EDDM13: variants seen among roughly 807,000 people sequenced by gnomAD.
The protein encoded by EDDM13 is epididymal protein 13.
EDDM13 carries 24 observed loss-of-function variants against 17.8 expected under a neutral mutation model. The observed-to-expected ratio is 1.35, with a 90% CI of 0.98 to 1.90. EDDM13 has a LOEUF of 1.90. EDDM13 is among the 40% of genes most tolerant of loss of function. EDDM13 has a pLI of 0.00. For missense variants in EDDM13, 97 were observed against 100.8 expected, an observed-to-expected ratio of 0.96 and a Z score of 0.16; for synonymous variants, 31 against 37.5, an observed-to-expected ratio of 0.83 and a Z score of 0.63.
At chr19:56,279,965 T>C (rs2038563655) in intron 2 of EDDM13, among the ~76,000 whole-genome samples, 1 of 152,200 alleles carries the variant, frequency 6.6e-6, no homozygotes, top group Non-Finnish European at 1.5e-5. Context: ...GTTATTTTCA[T>C]TTAAAATAAG....
intron 3 of EDDM13, among the ~76,000 whole-genome samples, chr19:56,281,910 A>T (rs1049345946): frequency 2.0e-5 from 3 of 152,222 alleles, no homozygotes; most frequent in Non-Finnish European, 4.4e-5. Flanking sequence ...TGAGGAGGCC[A>T]ACAAGCCTCT....
intron 13 of EDDM13, chr19:56,302,695 T>A: frequency 1.2e-5 from 2 of 164,280 alleles, no homozygotes. Flanking sequence ...TTCTCTCTCC[T>A]TCCTTCTCTT....
chr19:56,275,385 C>A (rs2038170192), intron 1 of EDDM13, among the ~76,000 whole-genome samples: 1 of 152,124 alleles, frequency 6.6e-6, no homozygotes, highest in South Asian at 2.1e-4. Flanking sequence ...TTTTCTTCTC[C>A]ATTTATTTAT....
At chr19:56,275,533 C>A (rs2038185114) in intron 1 of EDDM13, among the ~76,000 whole-genome samples, 1 of 152,088 alleles carries the variant, frequency 6.6e-6, no homozygotes, top group South Asian at 2.1e-4. Flanking sequence ...GAGTTTGAGA[C>A]CAGCCTGGGC....
At chr19:56,297,225 A>G (rs1227885049) in intron 11 of EDDM13, among the ~76,000 whole-genome samples, 1 of 152,094 alleles carries the variant, frequency 6.6e-6, no homozygotes, top group East Asian at 1.9e-4. Flanking sequence ...AGTCCCTGGG[A>G]TCCAGGGACA....
At chr19:56,288,316 C>T (rs902676201) in intron 6 of EDDM13, among the ~76,000 whole-genome samples, 69 bp from the exon 7 acceptor site, 1 of 152,206 alleles carries the variant, frequency 6.6e-6, no homozygotes, top group Admixed American at 6.5e-5. Flanking sequence ...ATCGTTCCCT[C>T]TGTCTGCGAC....
intron 6 of EDDM13, 55 bp downstream of exon 6, chr19:56,285,079 A>T: frequency 3.3e-6 from 3 of 901,702 alleles, no homozygotes; most frequent in Non-Finnish European, 4.0e-6. Flanking sequence ...CCGCAAGGTA[A>T]TGTAGACTTA....
intron 8 of EDDM13, among the ~76,000 whole-genome samples, chr19:56,289,882 G>A (rs1045897460): frequency 6.6e-6 from 1 of 152,100 alleles, no homozygotes; most frequent in Admixed American, 6.5e-5. Flanking sequence ...CCAAAGTGCT[G>A]GGATTACAGG....
chr19:56,272,950 T>G, intron 1 of EDDM13, 31 bp downstream of exon 1: 1 of 951,584 alleles, frequency 1.1e-6, no homozygotes, highest in Non-Finnish European at 1.3e-6. Flanking sequence ...TTGTGTCCTC[T>G]ATGTATTTTC....
rs573015156 is a variant in EDDM13, at chr19:56,302,717, T to C, written c.423+622T>C. 23 of 197,994 alleles carry C rather than the reference T, an allele frequency of 1.2e-4. No individual in the cohort carries two copies. In the South Asian group the frequency reaches 4.6e-3, roughly 40 times the overall value. The allele number at this position is 197,994 out of a possible 1,614,324, so 12.3% of individuals were successfully genotyped here. A position where few individuals can be genotyped will look rare whatever the true frequency, so the allele number is the denominator to read the frequency against. ...TCCTTCCTTCTCTTTCCTTCTTCCC[T>C]CCCTCCCACCTCTAGACTGGGATAA... On this transcript the variant is annotated intron_variant, in intron 13 of 14. Coordinates refer to ENST00000649256, the MANE Select transcript of EDDM13 (RefSeq NM_001354658.2).
chr19:56,307,253 C>T (rs1427137078), intron 14 of EDDM13, among the ~76,000 whole-genome samples: 1 of 152,198 alleles, frequency 6.6e-6, no homozygotes. Context: ...CCCTGGCATC[C>T]CCAGTGCCCT....
intron 1 of EDDM13, chr19:56,274,964 GTT>G (rs1330408332): frequency 2.0e-5 from 3 of 152,166 alleles, no homozygotes; most frequent in Non-Finnish European, 4.4e-5. Context: ...CTCAATTTGG[GTT>G]TGTCTGAAGC....
At chr19:56,295,017 GGCACC>G (rs1555805492) in intron 9 of EDDM13, 1 of 152,216 alleles carries the variant, frequency 6.6e-6, no homozygotes, top group Non-Finnish European at 1.5e-5. Context: ...ACTGCTCAGG[GGCACC>G]AGGTTTGGAG....
At chr19:56,272,951 AT>A (rs1379070240) in intron 1 of EDDM13, 32 bp downstream of exon 1, 6 of 947,602 alleles carry the variant, frequency 6.3e-6, no homozygotes, top group Non-Finnish European at 7.5e-6. Flanking sequence ...TGTGTCCTCT[AT>A]GTATTTTCTT....
chr19:56,274,480 A>C (rs1447807871), intron 1 of EDDM13: 1 of 144,466 alleles, frequency 6.9e-6, no homozygotes, highest in Admixed American at 7.0e-5. Flanking sequence ...AAAAAAAAAA[A>C]CTCTGTAGAG....
At chr19:56,277,497 TAG>T (rs1240598451) in intron 2 of EDDM13, among the ~76,000 whole-genome samples, 1 of 148,658 alleles carries the variant, frequency 6.7e-6, no homozygotes, top group African/African-American at 2.5e-5. Context: ...GGCAAATCCA[TAG>T]AGACACAATG....
At chr19:56,309,686 G>C (rs1040644284) in intron 14 of EDDM13, among the ~76,000 whole-genome samples, 4 of 152,170 alleles carry the variant, frequency 2.6e-5, no homozygotes, top group Non-Finnish European at 4.4e-5. Context: ...ACCAGGCTAG[G>C]GGGTGCAGCC....
chr19:56,290,045 C>A (rs896878652), intron 8 of EDDM13, among the ~76,000 whole-genome samples: 2 of 152,138 alleles, frequency 1.3e-5, no homozygotes, highest in East Asian at 1.9e-4. Context: ...CAAATGGAAC[C>A]CAAGTTATAA....
chr19:56,301,933 C>A, intron 12 of EDDM13, 35 bp from the exon 13 acceptor site: 7 of 1,231,968 alleles, frequency 5.7e-6, no homozygotes, highest in Non-Finnish European at 7.1e-6. Context: ...GAAGGGAAGG[C>A]CATCAGCATC....
Sources: allele counts gnomAD v4.1 joint callset (sites outside exome capture counted in the v4.1 genomes callset), GRCh38; gene constraint gnomAD v4.1.1; transcripts MANE v1.5; gene names NCBI Gene and HGNC (gene_info 2026-07-23, HGNC 2026-07-21).